The following DLG2 variants were observed in gnomAD, a reference collection of about 807,000 sequenced individuals.
DLG2 encodes discs large MAGUK scaffold protein 2.
In DLG2, 45 loss-of-function variants were observed where a neutral mutation model predicts 132.5. That is an observed-to-expected ratio of 0.34 (90% CI 0.27 to 0.44). The LOEUF is 0.44. DLG2 is among the 20% of genes least tolerant of loss of function. The pLI is 1.00. For missense variants in DLG2, 1,045 were observed against 1,196.9 expected, an observed-to-expected ratio of 0.87 and a Z score of 1.87; for synonymous variants, 424 against 419.6, an observed-to-expected ratio of 1.01 and a Z score of -0.13.
intron 6 of DLG2, among the ~76,000 whole-genome samples, chr11:84,668,650 C>T (rs1269724858): frequency 6.6e-6 from 1 of 152,158 alleles, no homozygotes; most frequent in East Asian, 1.9e-4. Context: ...AACATTCCTT[C>T]ATCCCTCGTG....
chr11:84,973,344 A>G (rs1191549684), intron 6 of DLG2, among the ~76,000 whole-genome samples: 2 of 152,142 alleles, frequency 1.3e-5, no homozygotes, highest in East Asian at 3.9e-4. Flanking sequence ...ATTAAATCAG[A>G]TAGTGCAGGA....
At chr11:83,546,052 A>T (rs2096233997) in intron 19 of DLG2, among the ~76,000 whole-genome samples, 1 of 152,130 alleles carries the variant, frequency 6.6e-6, no homozygotes, top group Non-Finnish European at 1.5e-5. Flanking sequence ...ATAGAATTGG[A>T]CATGAATAAT....
At chr11:84,521,933 G>A (rs1043471500) in intron 7 of DLG2, among the ~76,000 whole-genome samples, 4 of 152,128 alleles carry the variant, frequency 2.6e-5, no homozygotes, top group Non-Finnish European at 5.9e-5. Flanking sequence ...GGCCAAGGTG[G>A]GCAGATCACC....
intron 3 of DLG2, among the ~76,000 whole-genome samples, chr11:85,433,857 G>A (rs2091328922): frequency 6.6e-6 from 1 of 152,138 alleles, no homozygotes; most frequent in Admixed American, 6.6e-5. Context: ...CAAAACTACA[G>A]AATATACAGT....
intron 3 of DLG2, among the ~76,000 whole-genome samples, chr11:85,426,911 C>T (rs1007016912): frequency 2.6e-5 from 4 of 152,082 alleles, no homozygotes; most frequent in Admixed American, 2.0e-4. Context: ...ACTAGAATAA[C>T]CAATGCAGAG....
chr11:84,748,410 A>G (rs1405394780), intron 6 of DLG2, among the ~76,000 whole-genome samples: 1 of 152,180 alleles, frequency 6.6e-6, no homozygotes, highest in East Asian at 1.9e-4. Context: ...GAAAATGGTA[A>G]GGTGATAACA....
intron 18 of DLG2, among the ~76,000 whole-genome samples, chr11:83,734,718 T>C (rs1189382344): frequency 1.3e-5 from 2 of 152,170 alleles, no homozygotes; most frequent in Admixed American, 1.3e-4. Flanking sequence ...CCCAAAGTGC[T>C]GGGATTATAG....
At chr11:84,807,552 C>A (rs115689632) in intron 6 of DLG2, among the ~76,000 whole-genome samples, 13,186 of 152,138 alleles carry the variant, frequency 0.087, 639 homozygotes, top group African/African-American at 0.1. Context: ...TATCAATTCA[C>A]AGTCACGGAT....
At chr11:84,837,787 C>G (rs2080021727) in intron 6 of DLG2, among the ~76,000 whole-genome samples, 1 of 151,772 alleles carries the variant, frequency 6.6e-6, no homozygotes, top group Non-Finnish European at 1.5e-5. Context: ...ATTCTGAAAA[C>G]ACTCATTCCG....
chr11:83,866,766 C>G (rs986357616), intron 16 of DLG2, among the ~76,000 whole-genome samples: 6 of 152,046 alleles, frequency 3.9e-5, no homozygotes, highest in Admixed American at 6.6e-5. Flanking sequence ...AAATAAACAT[C>G]TCTAACTTCA....
intron 16 of DLG2, among the ~76,000 whole-genome samples, chr11:83,864,531 G>T (rs1228654706): frequency 6.6e-6 from 1 of 152,128 alleles, no homozygotes; most frequent in Non-Finnish European, 1.5e-5. Context: ...TAATAAGCAG[G>T]AGCCTTTACC....
intron 6 of DLG2, among the ~76,000 whole-genome samples, chr11:84,671,331 G>C (rs2099705711): frequency 1.3e-5 from 2 of 151,872 alleles, no homozygotes; most frequent in East Asian, 1.9e-4. Flanking sequence ...TTGAACTCCT[G>C]GGCTCAGGCA....
chr11:84,047,610 A>C (rs193055704), intron 11 of DLG2, among the ~76,000 whole-genome samples: 93 of 151,794 alleles, frequency 6.1e-4, no homozygotes, highest in African/African-American at 2.1e-3. Context: ...TGAAAAACCA[A>C]AAGTACATTT....
intron 6 of DLG2, among the ~76,000 whole-genome samples, chr11:84,622,033 T>A (rs558227181): frequency 2.6e-4 from 40 of 152,300 alleles, no homozygotes; most frequent in Middle Eastern, 6.8e-3. Context: ...AAGTAAAAAG[T>A]TGCGGACCGC....
chr11:84,463,354 A>C (rs2099085459), intron 7 of DLG2, among the ~76,000 whole-genome samples: 1 of 151,158 alleles, frequency 6.6e-6, no homozygotes, highest in Non-Finnish European at 1.5e-5. Flanking sequence ...CAGGAATATC[A>C]GAGAAGTTTG....
At chr11:84,344,893 G>C (rs2098532317) in intron 7 of DLG2, among the ~76,000 whole-genome samples, 1 of 152,054 alleles carries the variant, frequency 6.6e-6, no homozygotes, top group Admixed American at 6.5e-5. Context: ...CCAGGTTGGG[G>C]ACAATTTGGA....
At chr11:84,218,636 T>A (rs937188860) in intron 8 of DLG2, among the ~76,000 whole-genome samples, 5 of 152,156 alleles carry the variant, frequency 3.3e-5, no homozygotes, top group African/African-American at 1.2e-4. Flanking sequence ...ACCCTTAAAA[T>A]GAAAGGATCC....
At chr11:83,996,989 A>T (rs558131598) in intron 11 of DLG2, among the ~76,000 whole-genome samples, 1 of 152,302 alleles carries the variant, frequency 6.6e-6, no homozygotes, top group South Asian at 2.1e-4. Flanking sequence ...TTGCAACTCA[A>T]TGGATAAATG....
intron 7 of DLG2, among the ~76,000 whole-genome samples, chr11:84,480,282 C>T (rs763784375): frequency 3.3e-5 from 5 of 152,086 alleles, no homozygotes; most frequent in Admixed American, 6.6e-5. Context: ...AAAAGGCAAA[C>T]GAGTGAGTGA....
Sources: gnomAD v4.1 joint callset for allele counts (sites outside exome capture counted in the v4.1 genomes callset) on GRCh38, gnomAD v4.1.1 for gene constraint, MANE v1.5 for transcripts, NCBI Gene and HGNC (gene_info 2026-07-23, HGNC 2026-07-21) for gene names.